The following NCOA2 variants were observed in gnomAD, a reference collection of about 807,000 sequenced individuals.
NCOA2 encodes nuclear receptor coactivator 2, also known as class E basic helix-loop-helix protein 75.
In NCOA2, 21 loss-of-function variants were observed where a neutral mutation model predicts 145.1. The ratio of observed to expected loss-of-function variants is 0.14; its 90% CI spans 0.10 to 0.21. The LOEUF (loss-of-function observed/expected upper bound fraction) is 0.21, where lower values mean the gene tolerates loss of function less well. Ranked by LOEUF, NCOA2 falls within the 10% of genes least tolerant of loss-of-function variation. The probability of loss-of-function intolerance (pLI) is 1.00; values close to 1 mark genes in which losing one functional copy is unlikely to be tolerated. For synonymous variants in NCOA2, 619 were observed against 637.5 expected, an observed-to-expected ratio of 0.97 and a Z score of 0.44; for missense variants, 1,472 against 1,837.6, an observed-to-expected ratio of 0.80 and a Z score of 3.64.
At chr8:70,188,637 T>G (rs985633661) in intron 4 of NCOA2, among the ~76,000 whole-genome samples, 3 of 152,152 alleles carry the variant, frequency 2.0e-5, no homozygotes, top group African/African-American at 4.8e-5. Context: ...GCTTAAATAA[T>G]TTAATTGTAC....
At chr8:70,235,267 C>A (rs1327574477) in intron 2 of NCOA2, among the ~76,000 whole-genome samples, 1 of 151,980 alleles carries the variant, frequency 6.6e-6, no homozygotes. Context: ...GAAAGAGGAA[C>A]ATAGATTATC....
At chr8:70,281,565 C>T (rs1825885896) in intron 2 of NCOA2, among the ~76,000 whole-genome samples, 1 of 152,020 alleles carries the variant, frequency 6.6e-6, no homozygotes, top group Admixed American at 6.6e-5. Flanking sequence ...AGAAAAGCCT[C>T]TAAACTAGGA....
At chr8:70,192,286 C>A (rs1298626509) in intron 4 of NCOA2, among the ~76,000 whole-genome samples, 2 of 152,026 alleles carry the variant, frequency 1.3e-5, no homozygotes, top group Non-Finnish European at 2.9e-5. Context: ...GACAACTGTA[C>A]ATAAAAACCT....
intron 1 of NCOA2, among the ~76,000 whole-genome samples, chr8:70,358,038 G>A (rs969839213): frequency 1.3e-5 from 2 of 151,812 alleles, no homozygotes; most frequent in Non-Finnish European, 2.9e-5. Flanking sequence ...GTGACAAAGC[G>A]AGACTCAGTC....
chr8:70,126,665 T>G (rs766134516), intron 19 of NCOA2, 148 bp downstream of exon 19: 1 of 703,224 alleles, frequency 1.4e-6, no homozygotes, highest in Non-Finnish European at 2.5e-6. Context: ...AGGCCCCAAC[T>G]GTCCTCCCAG....
chr8:70,266,203 C>T (rs1041988055), intron 2 of NCOA2, among the ~76,000 whole-genome samples: 1 of 152,140 alleles, frequency 6.6e-6, no homozygotes, highest in Non-Finnish European at 1.5e-5. Flanking sequence ...TGTTCTGTCA[C>T]CGAGGTGGGA....
At chr8:70,115,732 C>T (rs943797012) in intron 22 of NCOA2, among the ~76,000 whole-genome samples, 26 of 152,124 alleles carry the variant, frequency 1.7e-4, no homozygotes, top group African/African-American at 6.0e-4. Context: ...TAAAGAAATA[C>T]TGTAAGTTCT....
At chr8:70,228,688 C>T (rs1000215217) in intron 2 of NCOA2, among the ~76,000 whole-genome samples, 1 of 152,062 alleles carries the variant, frequency 6.6e-6, no homozygotes, top group Admixed American at 6.5e-5. Context: ...AAAGCTACAC[C>T]TATGGATAAA....
intron 1 of NCOA2, among the ~76,000 whole-genome samples, chr8:70,336,784 T>G (rs903083988): frequency 6.6e-6 from 1 of 152,184 alleles, no homozygotes; most frequent in East Asian, 1.9e-4. Context: ...AGATGAGATT[T>G]GGGTGGGACA....
intron 2 of NCOA2, among the ~76,000 whole-genome samples, chr8:70,283,228 T>C (rs1305997042): frequency 6.6e-6 from 1 of 152,238 alleles, no homozygotes. Flanking sequence ...AATGGGGAAT[T>C]TAAACTTTGC....
chr8:70,130,317 G>A (rs1052065877), intron 16 of NCOA2, among the ~76,000 whole-genome samples: 35 of 152,152 alleles, frequency 2.3e-4, no homozygotes, highest in Admixed American at 2.2e-3. Context: ...TGGATTTGAT[G>A]AGACAAAATA....
intron 4 of NCOA2, among the ~76,000 whole-genome samples, chr8:70,175,504 A>G (rs1424317218): frequency 6.6e-6 from 1 of 152,270 alleles, no homozygotes; most frequent in African/African-American, 2.4e-5. Context: ...AAAGGCGCGT[A>G]GCGTGCGCTC....
chr8:70,148,178 T>A, intron 12 of NCOA2, 95 bp downstream of exon 12: 1 of 1,259,142 alleles, frequency 7.9e-7, no homozygotes, highest in Non-Finnish European at 1.2e-6. Flanking sequence ...AACCTTAAAG[T>A]GACTAAGCTG....
In NCOA2 at chr8:70,335,146, AAAAAAAAG is replaced by A. The variant is rs928449517; in HGVS notation, c.-76-38354_-76-38347del. Reference sequence around the variant, plus strand: ...TCAAAAAAAAAAAAAAAAAAAAAAAAAAAAAAAGATCTCTCCCTATGACCATTTTCTCA... The same window carrying A: ...TCAAAAAAAAAAAAAAAAAAAAAAAAATCTCTCCCTATGACCATTTTCTCA... On this transcript the variant is annotated intron_variant, in intron 1 of 22. Coordinates refer to ENST00000452400, the MANE Select transcript of NCOA2 (RefSeq NM_006540.4). 4.7e-5 allele frequency among the ~76,000 whole-genome samples: 7 copies of A among 149,772 alleles called. 1 individual carries two copies. In the South Asian group the frequency reaches 6.4e-4, roughly 14 times the overall value.
At chr8:70,413,694 T>C in the NCOA2 span, among the ~76,000 whole-genome samples, 1 of 152,254 alleles carries the variant, frequency 6.6e-6, no homozygotes, top group Non-Finnish European at 1.5e-5. Flanking sequence ...AGCAATAGTT[T>C]CTGAACTCTA....
intron 18 of NCOA2, among the ~76,000 whole-genome samples, chr8:70,127,998 G>T (rs938146128): frequency 2.6e-5 from 4 of 152,204 alleles, no homozygotes; most frequent in African/African-American, 9.6e-5. Flanking sequence ...GCGGTGATGT[G>T]CCTTCTGGAG....
chr8:70,147,134 G>C (rs1054660787), intron 12 of NCOA2, among the ~76,000 whole-genome samples: 16 of 151,528 alleles, frequency 1.1e-4, no homozygotes, highest in Middle Eastern at 3.2e-3. Context: ...GCGCGTGTGT[G>C]TGTGTGTGTG....
the NCOA2 span, among the ~76,000 whole-genome samples, chr8:70,419,002 T>A: frequency 6.6e-6 from 1 of 151,970 alleles, no homozygotes; most frequent in African/African-American, 2.4e-5. Flanking sequence ...CTTCCATCAG[T>A]GTGTATAATG....
chr8:70,133,380 G>A (rs953214171), intron 15 of NCOA2, among the ~76,000 whole-genome samples: 6 of 151,826 alleles, frequency 4.0e-5, no homozygotes, highest in African/African-American at 1.2e-4. Flanking sequence ...GTACCACCAC[G>A]CTTGGCTAAT....
Sources: allele counts gnomAD v4.1 joint callset (sites outside exome capture counted in the v4.1 genomes callset), GRCh38; gene constraint gnomAD v4.1.1; transcripts MANE v1.5; gene names NCBI Gene and HGNC (gene_info 2026-07-23, HGNC 2026-07-21).